GBE1: variants seen among roughly 807,000 people sequenced by gnomAD.
GBE1 encodes the protein 1,4-alpha-glucan branching enzyme 1, also known as 1,4-alpha-glucan-branching enzyme.
GBE1 carries 70 observed loss-of-function variants against 88.8 expected under a neutral mutation model. That is an observed-to-expected ratio of 0.79 (90% CI 0.65 to 0.96). The LOEUF is 0.96. Ranked by LOEUF, GBE1 falls within the 40% of genes least tolerant of loss-of-function variation. GBE1 has a pLI of 0.00. For missense variants in GBE1, 872 were observed against 871.0 expected, an observed-to-expected ratio of 1.00 and a Z score of -0.01; for synonymous variants, 284 against 300.1, an observed-to-expected ratio of 0.95 and a Z score of 0.56.
chr3:81,561,335 T>C (rs1703414282), intron 12 of GBE1, among the ~76,000 whole-genome samples: 1 of 152,050 alleles, frequency 6.6e-6, no homozygotes, highest in South Asian at 2.1e-4. Flanking sequence ...TTACCTAAAA[T>C]ATGAATATGC....
chr3:81,600,607 A>G (rs1280574257), intron 7 of GBE1, among the ~76,000 whole-genome samples: 2 of 152,162 alleles, frequency 1.3e-5, no homozygotes, highest in Non-Finnish European at 2.9e-5. Flanking sequence ...GTCTGAAACA[A>G]TTATTTTACA....
At chr3:81,557,397 G>T (rs1703362259) in intron 12 of GBE1, among the ~76,000 whole-genome samples, 1 of 151,548 alleles carries the variant, frequency 6.6e-6, no homozygotes, top group Non-Finnish European at 1.5e-5. Flanking sequence ...CAAATAAAAG[G>T]AACAACTAAA....
At chr3:81,593,333 C>T (rs1294264508) in intron 8 of GBE1, among the ~76,000 whole-genome samples, 1 of 150,310 alleles carries the variant, frequency 6.7e-6, no homozygotes, top group African/African-American at 2.4e-5. Context: ...CCACTGCGCT[C>T]CAGCCTGGGC....
intron 1 of GBE1, among the ~76,000 whole-genome samples, chr3:81,755,289 A>G (rs971169839): frequency 1.1e-4 from 17 of 152,190 alleles, no homozygotes; most frequent in Non-Finnish European, 2.5e-4. Context: ...TACAGTTAAA[A>G]TAGCTTGTAT....
intron 12 of GBE1, among the ~76,000 whole-genome samples, chr3:81,575,763 A>C (rs1196869502): frequency 6.6e-6 from 1 of 152,156 alleles, no homozygotes; most frequent in Non-Finnish European, 1.5e-5. Flanking sequence ...TTATAACTAA[A>C]ACTGGTTATT....
At chr3:81,537,679 T>C (rs772479663) in intron 12 of GBE1, among the ~76,000 whole-genome samples, 7 of 152,018 alleles carry the variant, frequency 4.6e-5, no homozygotes, top group Non-Finnish European at 8.8e-5. Flanking sequence ...TAGGCAAATA[T>C]CTTGTAAACT....
At chr3:81,626,850 A>G (rs1704424432) in intron 7 of GBE1, among the ~76,000 whole-genome samples, 1 of 152,120 alleles carries the variant, frequency 6.6e-6, no homozygotes, top group African/African-American at 2.4e-5. Context: ...CAAAATGTAT[A>G]TTAGCTAATT....
chr3:81,690,695 C>T (rs1255423413), intron 2 of GBE1, among the ~76,000 whole-genome samples: 2 of 152,108 alleles, frequency 1.3e-5, no homozygotes, highest in Admixed American at 6.6e-5. Flanking sequence ...GACGGAAATC[C>T]TCTTTTTTGC....
At chr3:81,597,317 T>C (rs1238571904) in intron 7 of GBE1, among the ~76,000 whole-genome samples, 2 of 151,612 alleles carry the variant, frequency 1.3e-5, no homozygotes, top group South Asian at 2.1e-4. Context: ...GATTACTCCA[T>C]TGGCTTACAG....
chr3:81,490,456 A>T lies in GBE1; in HGVS notation c.2060T>A (p.Ile687Asn). ...AAGGATGAGGGCCACTCTGCTTGGA[A>T]TGTACACCTACGTCAAAACAATTAT... ...NGRPYSLLVYIPSRVALILQN... is the reference protein window; with the variant it reads ...NGRPYSLLVYNPSRVALILQN... The change falls in exon 16 of 16, where the codon ATT (isoleucine) becomes AAT (asparagine). Residue 687 changes from isoleucine (I) to asparagine (N), a missense_variant. By Grantham distance (149) the Ile-to-Asn change is moderately radical. Coordinates refer to ENST00000429644, the MANE Select transcript of GBE1 (RefSeq NM_000158.4). 1 of 1,612,736 alleles carries T rather than the reference A, an allele frequency of 6.2e-7. No individual in the cohort carries two copies. Among genetic ancestry groups the T allele is most frequent in the Non-Finnish European group, 8.5e-7 (1 of 1,179,014 alleles).
intron 3 of GBE1, among the ~76,000 whole-genome samples, chr3:81,663,075 G>A (rs1435558577): frequency 1.3e-5 from 2 of 152,198 alleles, no homozygotes; most frequent in African/African-American, 2.4e-5. Flanking sequence ...GAAGTGCTAG[G>A]AAGGGAAAAG....
Position 81,515,014 on chromosome 3 carries a change from A to C in GBE1, c.1935-15787T>G, listed in dbSNP as rs547907990. Among the ~76,000 whole-genome samples the C allele has an allele frequency of 1.6e-3, 239 of 151,706 alleles. 1 individual carries two copies. The highest frequency in any genetic ancestry group is 2.8e-3 in the Non-Finnish European group (187 of 67,686). On this transcript the variant is annotated intron_variant, in intron 14 of 15. Transcript: ENST00000429644. ...ATTTATTTTTTAAATAGAAAAAAAA[A>C]CATATATTTTGGATAAATTAAGTAA...
chr3:81,648,177 A>G (rs1704793787), intron 5 of GBE1, among the ~76,000 whole-genome samples: 1 of 152,150 alleles, frequency 6.6e-6, no homozygotes, highest in African/African-American at 2.4e-5. Flanking sequence ...CAGAAGCAGC[A>G]TAATTACATG....
rs538504360 is a variant in GBE1, at chr3:81,630,847, C to T, written c.992+11934G>A. 1.3e-3 allele frequency among the ~76,000 whole-genome samples: 200 copies of T among 152,090 alleles called. 1 individual carries two copies. The highest frequency in any genetic ancestry group is 1.9e-3 in the Non-Finnish European group (132 of 68,024). ...AACTAGCCAATGTTATAGAAAATAG[C>T]TTAAAATCCTGTTTTCCTCTCAGAA... is the stretch of plus-strand genomic sequence containing the variant. On this transcript the variant is annotated intron_variant, in intron 7 of 15. Transcript: ENST00000429644.
intron 7 of GBE1, among the ~76,000 whole-genome samples, chr3:81,636,452 T>C (rs1033357269): frequency 9.2e-5 from 14 of 152,206 alleles, no homozygotes; most frequent in Admixed American, 5.2e-4. Flanking sequence ...TATTTCTTAC[T>C]GTCTGACTTC....
chr3:81,582,263 C>T (rs571202068), intron 10 of GBE1, among the ~76,000 whole-genome samples: 19 of 152,156 alleles, frequency 1.2e-4, no homozygotes, highest in East Asian at 7.7e-4. Flanking sequence ...ACCTAATCCA[C>T]GAGCATCTTT....
At chr3:81,520,734 C>T (rs887885946) in intron 14 of GBE1, among the ~76,000 whole-genome samples, 1 of 151,518 alleles carries the variant, frequency 6.6e-6, no homozygotes, top group Non-Finnish European at 1.5e-5. Context: ...TAGGTCTCAG[C>T]ATTACCCACA....
At chr3:81,650,720 AGTG>A (rs1404787939) in intron 3 of GBE1, among the ~76,000 whole-genome samples, 2 of 152,322 alleles carry the variant, frequency 1.3e-5, no homozygotes, top group African/African-American at 4.8e-5. Flanking sequence ...GGTGGAGCAC[AGTG>A]GTGCGATCGC....
chr3:81,651,614 C>T (rs1704852523), intron 3 of GBE1, among the ~76,000 whole-genome samples: 1 of 151,922 alleles, frequency 6.6e-6, no homozygotes, highest in African/African-American at 2.4e-5. Flanking sequence ...TAATATGCTA[C>T]AGTAATATGT....
Sources: gnomAD v4.1 joint callset for allele counts (sites outside exome capture counted in the v4.1 genomes callset) on GRCh38, gnomAD v4.1.1 for gene constraint, MANE v1.5 for transcripts, NCBI Gene and HGNC (gene_info 2026-07-23, HGNC 2026-07-21) for gene names.